Variants in MTCL1 observed in about 807,000 individuals in gnomAD.
MTCL1 encodes microtubule cross-linking factor 1.
Under a neutral mutation model 141.4 loss-of-function variants are expected in MTCL1, and 79 were observed. That is an observed-to-expected ratio of 0.56 (90% CI 0.47 to 0.67). MTCL1 has a LOEUF of 0.67. MTCL1 is among the 30% of genes least tolerant of loss of function. The probability of loss-of-function intolerance (pLI) is 0.00; values close to 1 mark genes in which losing one functional copy is unlikely to be tolerated. For synonymous variants in MTCL1, 914 were observed against 875.8 expected (o/e 1.04, Z -0.77); for missense variants, 2,177 against 2,113.9 (o/e 1.03, Z -0.59).
intron 9 of MTCL1, among the ~76,000 whole-genome samples, chr18:8,797,343 T>G (rs968593188): frequency 1.3e-5 from 2 of 152,252 alleles, no homozygotes; most frequent in African/African-American, 4.8e-5. Flanking sequence ...TATATGTTCT[T>G]CCTGTTATGC....
chr18:8,799,342 T>A (rs2076038210), intron 10 of MTCL1, among the ~76,000 whole-genome samples: 1 of 152,208 alleles, frequency 6.6e-6, no homozygotes, highest in Non-Finnish European at 1.5e-5. Context: ...TTCCCCCTGC[T>A]CCCTCTCTGT....
chr18:8,819,328 C>T (rs927056200), intron 13 of MTCL1, 69 bp downstream of exon 12: 3 of 1,517,444 alleles, frequency 2.0e-6, no homozygotes, highest in Non-Finnish European at 2.7e-6. Context: ...ACCTAAGAGG[C>T]ATCTGCCAGA....
chr18:8,760,246 AG>A (rs747803277), intron 4 of MTCL1, among the ~76,000 whole-genome samples: 33 of 152,220 alleles, frequency 2.2e-4, no homozygotes, highest in Non-Finnish European at 3.8e-4. Context: ...TCAGGCTGTG[AG>A]GAAGGAGAAC....
At chr18:8,760,220 C>T (rs7236750) in intron 4 of MTCL1, among the ~76,000 whole-genome samples, 12,365 of 152,118 alleles carry the variant, frequency 0.081, 1,390 homozygotes, top group African/African-American at 0.25. Flanking sequence ...GATGCAGTGC[C>T]GGGCTATGGA....
chr18:8,783,839 C>G (rs377180005), exon 6 of MTCL1: 1 of 1,613,006 alleles, frequency 6.2e-7, no homozygotes, highest in East Asian at 2.2e-5. Context: ...GGAGGACATG[C>G]GGGGCCAGCA....
At chr18:8,808,740 C>T (rs1305930255) in intron 11 of MTCL1, among the ~76,000 whole-genome samples, 2 of 152,254 alleles carry the variant, frequency 1.3e-5, no homozygotes, top group Non-Finnish European at 2.9e-5. Flanking sequence ...ATTCCTTCAG[C>T]AGACTCCTAA....
chr18:8,809,599 G>A, intron 11 of MTCL1: 1 of 1,535,532 alleles, frequency 6.5e-7, no homozygotes, highest in South Asian at 1.2e-5. Flanking sequence ...AGCAGCAGTG[G>A]AGAAGGAGTG....
rs1287955043 is a variant in MTCL1 at position 8,828,775 on chromosome 18, T to C, written c.4723-133T>C. 1.4e-6 allele frequency: 2 copies of C among 1,446,672 alleles called. No individual in the cohort carries two copies. The highest frequency in any genetic ancestry group is 2.8e-5 in the African/African-American group (2 of 71,372). The allele number at this position is 1,446,672 out of a possible 1,614,324, so 89.6% of individuals were successfully genotyped here. A position where few individuals can be genotyped will look rare whatever the true frequency, so the allele number is the denominator to read the frequency against. On this transcript the variant is annotated intron_variant, in intron 15 of 16. Transcript: ENST00000359865. This position sits in a 1 kb window ranked among gnomAD's most constrained non-coding sequence, Gnocchi z 5.2. ...CTGAGAGCCCGCAAGTCTCTCCTGG[T>C]GGCTACCCCTGAGCGAGAGGGATGG...
intron 1 of MTCL1, among the ~76,000 whole-genome samples, chr18:8,712,306 A>G (rs1056336243): frequency 6.6e-6 from 1 of 152,182 alleles, no homozygotes; most frequent in Non-Finnish European, 1.5e-5. Context: ...TTTTGGTTTT[A>G]TAGGTTGCAG....
At chr18:8,737,171 C>T (rs2096278629) in intron 4 of MTCL1, among the ~76,000 whole-genome samples, 1 of 152,222 alleles carries the variant, frequency 6.6e-6, no homozygotes, top group Non-Finnish European at 1.5e-5. Context: ...ACGGGACATT[C>T]ACACACAGGA....
At chr18:8,718,227 G>A (rs890048543) in intron 2 of MTCL1, among the ~76,000 whole-genome samples, 197 bp from the exon 2 acceptor site, 3 of 152,088 alleles carry the variant, frequency 2.0e-5, no homozygotes, top group Non-Finnish European at 4.4e-5. Context: ...CATAAGATTT[G>A]AACAGATACT....
chr18:8,805,529 G>T (rs935806919), intron 10 of MTCL1, among the ~76,000 whole-genome samples: 1 of 152,084 alleles, frequency 6.6e-6, no homozygotes, highest in Admixed American at 6.5e-5. Context: ...AACCATTTTT[G>T]TGTATGTTTA....
At chr18:8,797,171 T>C (rs1358539122) in intron 9 of MTCL1, among the ~76,000 whole-genome samples, 1 of 152,224 alleles carries the variant, frequency 6.6e-6, no homozygotes, top group African/African-American at 2.4e-5. Flanking sequence ...TCCTGCGCCA[T>C]CTCATTCAAC....
chr18:8,785,448 G>A (rs1000940113), intron 6 of MTCL1, among the ~76,000 whole-genome samples: 2 of 152,092 alleles, frequency 1.3e-5, no homozygotes, highest in Admixed American at 6.5e-5. Context: ...CCCTGCCGCC[G>A]CTGGGGAGGG....
chr18:8,734,705 G>T (rs886696368), intron 4 of MTCL1, among the ~76,000 whole-genome samples: 2 of 152,174 alleles, frequency 1.3e-5, no homozygotes, highest in Admixed American at 1.3e-4. Context: ...ATTGTACAGT[G>T]CGTGCCTGGG....
exon 11 of MTCL1, chr18:8,806,971 C>G: frequency 6.2e-7 from 1 of 1,613,742 alleles, no homozygotes; most frequent in Non-Finnish European, 8.5e-7. Context: ...GGAGGATGAG[C>G]GTGCCCGACT....
In MTCL1 at chr18:8,725,776, C is replaced by CTTTTTTT. The variant is rs1220187127; in HGVS notation, c.357+5287_357+5293dup. Among the ~76,000 whole-genome samples, 496 of 110,760 alleles carry CTTTTTTT rather than the reference C, an allele frequency of 4.5e-3. 23 individuals carry two copies. Among genetic ancestry groups the CTTTTTTT allele is most frequent in the Middle Eastern group, 5.2e-3 (1 of 192 alleles). The allele number at this position is 110,760 out of a possible 152,430, so 72.7% of individuals were successfully genotyped here. ...GCGTTATGTATTTTGGTGCCATTTT[C>CTTTTTTT]TTTTTTTTTTTTTCTTTTTTTTTTT... On this transcript the variant is annotated intron_variant, in intron 4 of 16. Transcript: ENST00000359865.
At chr18:8,739,981 T>C (rs4798683) in intron 4 of MTCL1, among the ~76,000 whole-genome samples, 39,629 of 152,260 alleles carry the variant, frequency 0.26, 5,775 homozygotes, top group Admixed American at 0.41. Flanking sequence ...TCTGCCCGCC[T>C]TGGCCTCCCA....
At chr18:8,708,353 T>A (rs2096068928) in intron 1 of MTCL1, among the ~76,000 whole-genome samples, 1 of 152,230 alleles carries the variant, frequency 6.6e-6, no homozygotes, top group South Asian at 2.1e-4. Flanking sequence ...ACTGGTTATT[T>A]CCTTTATTTT....
Sources: gnomAD v4.1 joint callset for allele counts (sites outside exome capture counted in the v4.1 genomes callset) on GRCh38, gnomAD v4.1.1 for gene constraint, Gnocchi (gnomAD v3.1) non-coding constraint, MANE v1.5 for transcripts, NCBI Gene and HGNC (gene_info 2026-07-23, HGNC 2026-07-21) for gene names.